Variants in CMSS1 observed in about 807,000 individuals in gnomAD.
CMSS1 encodes protein CMSS1.
CMSS1 carries 33 observed loss-of-function variants against 43.5 expected under a neutral mutation model. The observed-to-expected ratio is 0.76, with a 90% CI of 0.57 to 1.01. The LOEUF (loss-of-function observed/expected upper bound fraction) is 1.01. CMSS1 is among the 50% of genes least tolerant of loss of function. CMSS1 has a pLI of 0.00. For synonymous variants in CMSS1, 115 were observed against 117.2 expected, an observed-to-expected ratio of 0.98 and a Z score of 0.12; for missense variants, 313 against 326.4, an observed-to-expected ratio of 0.96 and a Z score of 0.32.
chr3:100,004,921 AC>A (rs1709946480), intron 1 of CMSS1, among the ~76,000 whole-genome samples: 1 of 152,154 alleles, frequency 6.6e-6, no homozygotes, highest in Admixed American at 6.5e-5. Flanking sequence ...ATAGCCTCAT[AC>A]CCATTAGATA....
chr3:100,120,172 C>G (rs2066607903), intron 1 of CMSS1, among the ~76,000 whole-genome samples: 1 of 152,178 alleles, frequency 6.6e-6, no homozygotes, highest in South Asian at 2.1e-4. Flanking sequence ...GCCAAAATAC[C>G]AGGTGACAGC....
intron 1 of CMSS1, among the ~76,000 whole-genome samples, chr3:99,939,633 A>G (rs1707796017): frequency 6.6e-6 from 1 of 152,216 alleles, no homozygotes. Context: ...CTTTTCTGAT[A>G]GTGGTTCCAG....
At chr3:99,930,626 T>G (rs1350028213) in intron 1 of CMSS1, 7 of 834,800 alleles carry the variant, frequency 8.4e-6, no homozygotes, top group African/African-American at 5.1e-5. Flanking sequence ...CAGAGGAGAA[T>G]TCTTTGTATA....
chr3:100,151,670 A>G (rs2066909925), intron 2 of CMSS1, among the ~76,000 whole-genome samples: 1 of 152,196 alleles, frequency 6.6e-6, no homozygotes, highest in Non-Finnish European at 1.5e-5. Context: ...CATGGGGAAG[A>G]GATTACAAAG....
intron 2 of CMSS1, among the ~76,000 whole-genome samples, chr3:100,149,816 G>A (rs1437558314): frequency 6.6e-6 from 1 of 152,048 alleles, no homozygotes; most frequent in Non-Finnish European, 1.5e-5. Context: ...TGACCATACC[G>A]GTATCCCAGT....
chr3:100,018,712 C>G (rs1710415275), intron 1 of CMSS1, among the ~76,000 whole-genome samples: 1 of 124,272 alleles, frequency 8.0e-6, no homozygotes, highest in African/African-American at 3.1e-5. Flanking sequence ...GAAATTACAT[C>G]AAACTTAAAA....
Position 99,817,931 on chromosome 3 carries a change from G to A in CMSS1, c.-49G>A. On this transcript the variant is annotated 5_prime_UTR_variant, in exon 1 of 10. Coordinates refer to ENST00000421999, the MANE Select transcript of CMSS1 (RefSeq NM_032359.4). ...CTTTGAGACAACGTGATTCTCCGCA[G>A]CTGGTCGCCTACCCGTGATGTTCTG... 1 of 1,593,222 alleles carries A rather than the reference G, an allele frequency of 6.3e-7. No individual in the cohort carries two copies. Among genetic ancestry groups the A allele is most frequent in the South Asian group, 1.1e-5 (1 of 90,446 alleles).
intron 1 of CMSS1, among the ~76,000 whole-genome samples, chr3:99,885,273 G>A (rs1290736499): frequency 1.3e-5 from 2 of 152,216 alleles, no homozygotes; most frequent in Admixed American, 6.5e-5. Context: ...TTGGATGCTT[G>A]TAGGGCTATT....
At chr3:100,099,219 T>G (rs2066263010) in intron 1 of CMSS1, among the ~76,000 whole-genome samples, 2 of 152,218 alleles carry the variant, frequency 1.3e-5, no homozygotes, top group South Asian at 4.1e-4. Context: ...GGTAATAGAC[T>G]GAATATTTAT....
At chr3:99,979,067 A>T (rs929198488) in intron 1 of CMSS1, among the ~76,000 whole-genome samples, 1 of 152,116 alleles carries the variant, frequency 6.6e-6, no homozygotes, top group African/African-American at 2.4e-5. Flanking sequence ...TTTACTGTAT[A>T]TTTTCAAATA....
chr3:100,153,289 G>A (rs1258938949), intron 2 of CMSS1, among the ~76,000 whole-genome samples: 4 of 152,164 alleles, frequency 2.6e-5, no homozygotes, highest in African/African-American at 4.8e-5. Context: ...GCATATAAAT[G>A]GAATCATACA....
At chr3:100,052,483 G>T (rs2065391111) in intron 1 of CMSS1, among the ~76,000 whole-genome samples, 1 of 152,082 alleles carries the variant, frequency 6.6e-6, no homozygotes, top group African/African-American at 2.4e-5. Flanking sequence ...GGGTCTTATG[G>T]CACCATTTGT....
intron 1 of CMSS1, among the ~76,000 whole-genome samples, chr3:99,996,858 T>G (rs944774310): frequency 6.6e-6 from 1 of 150,862 alleles, no homozygotes; most frequent in Non-Finnish European, 1.5e-5. Flanking sequence ...GGGAGTACAA[T>G]TCAAGATGAG....
At chr3:100,065,224 C>G (rs1404919611) in intron 1 of CMSS1, among the ~76,000 whole-genome samples, 1 of 152,142 alleles carries the variant, frequency 6.6e-6, no homozygotes, top group Non-Finnish European at 1.5e-5. Flanking sequence ...GGAGTACCAT[C>G]CAGCAATCTG....
intron 1 of CMSS1, among the ~76,000 whole-genome samples, chr3:99,881,510 T>C (rs1440449136): frequency 6.6e-6 from 1 of 152,132 alleles, no homozygotes; most frequent in South Asian, 2.1e-4. Context: ...GACCTTGTCA[T>C]ATAATTTGTA....
At chr3:99,928,286 A>G (rs1707361227) in intron 1 of CMSS1, among the ~76,000 whole-genome samples, 1 of 152,198 alleles carries the variant, frequency 6.6e-6, no homozygotes, top group African/African-American at 2.4e-5. Context: ...GGAAAAGGAT[A>G]GACAACTGGG....
At chr3:100,128,283 C>T (rs2066678633) in intron 1 of CMSS1, among the ~76,000 whole-genome samples, 1 of 152,118 alleles carries the variant, frequency 6.6e-6, no homozygotes. Context: ...GCAACAAATC[C>T]TCACCCCAGC....
intron 1 of CMSS1, among the ~76,000 whole-genome samples, chr3:99,944,244 T>C (rs1405805015): frequency 6.6e-6 from 1 of 152,046 alleles, no homozygotes; most frequent in East Asian, 1.9e-4. Context: ...GCTGAAGAAA[T>C]TGGGATTTGG....
intron 1 of CMSS1, 54 bp from the exon 2 acceptor site, chr3:100,146,919 C>T: frequency 2.5e-6 from 4 of 1,573,064 alleles, no homozygotes; most frequent in Admixed American, 1.9e-5. Context: ...ACCAAGATTG[C>T]ACTAGCAATG....
Sources: gnomAD v4.1 joint callset for allele counts (sites outside exome capture counted in the v4.1 genomes callset) on GRCh38, gnomAD v4.1.1 for gene constraint, MANE v1.5 for transcripts, NCBI Gene and HGNC (gene_info 2026-07-23, HGNC 2026-07-21) for gene names.